IGF2R: variants seen among roughly 807,000 people sequenced by gnomAD.
IGF2R encodes cation-independent mannose-6-phosphate receptor.
Under a neutral mutation model 270.6 loss-of-function variants are expected in IGF2R, and 91 were observed. That is an observed-to-expected ratio of 0.34 (90% CI 0.28 to 0.40). The LOEUF is 0.40. Among genes scored for constraint, IGF2R ranks in the 10% least tolerant of loss-of-function variants. The pLI is 1.00. For synonymous variants in IGF2R, 1,316 were observed against 1,258.9 expected (o/e 1.05, Z -0.96); for missense variants, 2,805 against 3,188.3 (o/e 0.88, Z 2.90).
At chr6:159,971,832 T>A (rs753996939) in intron 1 of IGF2R, among the ~76,000 whole-genome samples, 4 of 152,250 alleles carry the variant, frequency 2.6e-5, no homozygotes, top group Non-Finnish European at 5.9e-5. Flanking sequence ...TTTTTTAAAA[T>A]TTTTAATAGA....
At chr6:160,003,097 T>G (rs1562338720) in intron 2 of IGF2R, among the ~76,000 whole-genome samples, 1 of 152,190 alleles carries the variant, frequency 6.6e-6, no homozygotes, top group Non-Finnish European at 1.5e-5. Flanking sequence ...GTAGTTGCCG[T>G]CCCAGGTGAT....
At chr6:160,093,690 A>T in intron 44 of IGF2R, 1 of 756,320 alleles carries the variant, frequency 1.3e-6, no homozygotes, top group Admixed American at 1.7e-5. Context: ...ACCATTGAGG[A>T]TAATGAAAAG....
At chr6:159,973,409 A>G (rs1372182212) in intron 1 of IGF2R, among the ~76,000 whole-genome samples, 1 of 152,220 alleles carries the variant, frequency 6.6e-6, no homozygotes, top group Non-Finnish European at 1.5e-5. Context: ...GAGCTTCAAA[A>G]TTTGTACAGG....
chr6:160,068,064 GGGTGTGTGTGTGTGTGTGTGT>G (rs1778625850), intron 29 of IGF2R, among the ~76,000 whole-genome samples, 164 bp from the exon 30 acceptor site: 1 of 64,362 alleles, frequency 1.6e-5, no homozygotes, highest in African/African-American at 5.3e-5. Flanking sequence ...TTCTGATGGG[GGGTGTGTGTGTGTGTGTGTGT>G]GTGTGTGTGT....
chr6:160,071,155 C>T (rs1583291644), intron 31 of IGF2R, among the ~76,000 whole-genome samples: 1 of 148,296 alleles, frequency 6.7e-6, no homozygotes, highest in African/African-American at 2.5e-5. Context: ...GCCCCAGACC[C>T]AGGAGGCTGG....
intron 44 of IGF2R, chr6:160,095,225 A>T (rs1363372921): frequency 1.3e-5 from 2 of 152,274 alleles, no homozygotes; most frequent in Non-Finnish European, 2.9e-5. Context: ...TACCACCAGA[A>T]CGGCTGCTCA....
chr6:160,079,295 T>C (rs529807195), intron 37 of IGF2R, among the ~76,000 whole-genome samples: 1 of 152,194 alleles, frequency 6.6e-6, no homozygotes, highest in Non-Finnish European at 1.5e-5. Context: ...CCCTTCTCAC[T>C]GGGCTCTGAC....
intron 39 of IGF2R, among the ~76,000 whole-genome samples, chr6:160,082,615 A>AT (rs60210682): frequency 0.1 from 15,362 of 151,766 alleles, 1,158 homozygotes; most frequent in East Asian, 0.33. Context: ...CAGCTATCTT[A>AT]TTTTTTTTCG....
intron 2 of IGF2R, among the ~76,000 whole-genome samples, chr6:159,993,212 C>G (rs976553969): frequency 6.6e-6 from 1 of 152,126 alleles, no homozygotes; most frequent in African/African-American, 2.4e-5. Flanking sequence ...TCTGTTTACT[C>G]TGCTGTGCAG....
chr6:160,065,782 A>ATGTGTGTGTG (rs57759831), intron 29 of IGF2R, among the ~76,000 whole-genome samples: 51 of 93,150 alleles, frequency 5.5e-4, no homozygotes, highest in East Asian at 2.6e-3. Flanking sequence ...AGATATGTGT[A>ATGTGTGTGTG]TGTGTGTGTG....
rs915121522 is a variant in IGF2R at position 159,998,918 on chromosome 6, C to G, written c.289+7595C>G. ...TATCTCATTTAATTCATTCAACAAC[C>G]CTTTAAAGTAGGTGATTTCATTTCC... is the stretch of plus-strand genomic sequence containing the variant. On this transcript the variant is annotated intron_variant, in intron 2 of 47. Coordinates refer to ENST00000356956, the MANE Select transcript of IGF2R (RefSeq NM_000876.4). The surrounding 1 kb of genome is among the most constrained non-coding windows in gnomAD (Gnocchi z 4.1). 1.3e-5 allele frequency among the ~76,000 whole-genome samples: 2 copies of G among 152,036 alleles called. No individual in the cohort carries two copies. The highest frequency in any genetic ancestry group is 2.9e-5 in the Non-Finnish European group (2 of 68,024).
At chr6:160,041,022 C>G (rs576377604) in intron 11 of IGF2R, among the ~76,000 whole-genome samples, 1 of 152,270 alleles carries the variant, frequency 6.6e-6, no homozygotes, top group Admixed American at 6.5e-5. Flanking sequence ...CTGTTTGGAT[C>G]CTCTAGGCAG....
chr6:159,969,492 C>G (rs1288867893), intron 1 of IGF2R, 97 bp downstream of exon 1: 5 of 939,716 alleles, frequency 5.3e-6, no homozygotes, highest in Non-Finnish European at 6.7e-6. Context: ...CTGGGGTCTC[C>G]AAGTCGCCTC....
chr6:160,064,438 G>A lies in IGF2R; in HGVS notation c.3924G>A (p.Leu1308=), dbSNP rs533788570. ...LTQKLTYENG[L]LKMNFTGGDT... is the part of the protein sequence containing the mutation. ...AGAAGCTAACTTATGAAAATGGCTT[G>A]TTAAAAATGAACTTCACGGGGGGGG... The change falls in exon 28 of 48, where the codon TTG becomes TTA. Residue 1308 remains leucine, a synonymous_variant. Coordinates refer to ENST00000356956, the MANE Select transcript of IGF2R (RefSeq NM_000876.4). The A allele has an allele frequency of 5.0e-6, 8 of 1,614,030 alleles. No homozygotes were observed. The highest frequency in any genetic ancestry group is 3.3e-4 in the Middle Eastern group (2 of 6,058).
At chr6:160,079,993 T>C in intron 38 of IGF2R, 136 bp from the exon 39 acceptor site, 1 of 1,146,628 alleles carries the variant, frequency 8.7e-7, no homozygotes, top group Non-Finnish European at 1.3e-6. Context: ...GCCTGGTGAG[T>C]TTTGGCAGGT....
At chr6:160,009,226 A>C (rs1784295136) in intron 3 of IGF2R, 92 bp downstream of exon 3, 2 of 1,132,884 alleles carry the variant, frequency 1.8e-6, no homozygotes, top group South Asian at 3.6e-5. Flanking sequence ...AGGAAGAATC[A>C]GTGAGCAAAC....
chr6:160,064,734 C>G, intron 28 of IGF2R, 70 bp from the exon 29 acceptor site: 1 of 1,227,020 alleles, frequency 8.1e-7, no homozygotes, highest in Non-Finnish European at 1.2e-6. Context: ...TATTTTCATT[C>G]TTAAAACTCA....
intron 18 of IGF2R, among the ~76,000 whole-genome samples, chr6:160,049,809 G>T (rs1455630632): frequency 6.6e-6 from 1 of 152,234 alleles, no homozygotes; most frequent in African/African-American, 2.4e-5. Flanking sequence ...TAATCTGTGT[G>T]TAATAGGTTT....
chr6:160,096,850 C>T (rs906129539), intron 45 of IGF2R, among the ~76,000 whole-genome samples: 4 of 152,166 alleles, frequency 2.6e-5, no homozygotes, highest in Admixed American at 1.3e-4. Context: ...CTCCCACCAC[C>T]CCCAGCAGCA....
Sources: gnomAD v4.1 joint callset for allele counts (sites outside exome capture counted in the v4.1 genomes callset) on GRCh38, gnomAD v4.1.1 for gene constraint, Gnocchi (gnomAD v3.1) non-coding constraint, MANE v1.5 for transcripts, NCBI Gene and HGNC (gene_info 2026-07-23, HGNC 2026-07-21) for gene names.